TEC: variants seen among roughly 807,000 people sequenced by gnomAD.
The protein encoded by TEC is tec protein tyrosine kinase, also known as tyrosine-protein kinase Tec.
A neutral mutation model predicts 93.0 loss-of-function variants in TEC; 72 were observed. The ratio of observed to expected loss-of-function variants is 0.77; its 90% confidence interval spans 0.64 to 0.94. TEC has a LOEUF of 0.94. Among genes scored for constraint, TEC ranks in the 40% least tolerant of loss-of-function variants. The pLI, the probability that TEC is intolerant of heterozygous loss-of-function variation, is 0.00. For synonymous variants in TEC, 249 were observed against 247.7 expected, an observed-to-expected ratio of 1.01 and a Z score of -0.05; for missense variants, 630 against 757.9, an observed-to-expected ratio of 0.83 and a Z score of 1.98.
intron 3 of TEC, among the ~76,000 whole-genome samples, chr4:48,173,532 C>T (rs530447665): frequency 3.9e-5 from 6 of 152,262 alleles, no homozygotes; most frequent in Admixed American, 2.0e-4. Flanking sequence ...CTGTGTTTCT[C>T]TCTGCCTTAA....
At chr4:48,191,936 A>G (rs544392015) in intron 2 of TEC, among the ~76,000 whole-genome samples, 1 of 152,302 alleles carries the variant, frequency 6.6e-6, no homozygotes, top group East Asian at 1.9e-4. Flanking sequence ...AAGACCATAA[A>G]AGATATGCAG....
Position 48,167,809 on chromosome 4 carries a change from C to T in TEC, c.640G>A (p.Val214Ile), listed in dbSNP as rs2109542115. The T allele has an allele frequency of 6.2e-7, 1 of 1,613,784 alleles. No individual in the cohort carries two copies. Among genetic ancestry groups the T allele is most frequent in the Non-Finnish European group, 8.5e-7 (1 of 1,179,798 alleles). Residue 214 changes from valine (V) to isoleucine (I), a missense_variant, in exon 7 of 18, where the codon GTT becomes ATT. Coordinates refer to ENST00000381501, the MANE Select transcript of TEC (RefSeq NM_003215.3). Reference protein sequence around the residue: ...QEYLILEKNDVHWWRARDKYG... With the variant: ...QEYLILEKNDIHWWRARDKYG... ...TTATCTCTTGCTCTCCACCAATGAA[C>T]ATCATTCTTTTCTAAAATGAGATAC...
chr4:48,186,363 G>C (rs574763422), intron 2 of TEC, among the ~76,000 whole-genome samples: 1 of 151,660 alleles, frequency 6.6e-6, no homozygotes, highest in South Asian at 2.1e-4. Flanking sequence ...GCCCAGTCTG[G>C]GAAGTGAGGA....
At chr4:48,152,884 A>C (rs1720233180) in intron 9 of TEC, among the ~76,000 whole-genome samples, 2 of 152,250 alleles carry the variant, frequency 1.3e-5, no homozygotes, top group African/African-American at 4.8e-5. Context: ...GCAGGAGGTA[A>C]AATGAGAAAG....
In TEC at chr4:48,228,501, T is replaced by C. The variant is rs780981712; in HGVS notation, c.114A>G (p.Leu38=). ...ERLFVLTKSM[L]TYYEGRAEKK... is the part of the protein sequence containing the mutation. ...CCTCTGCTCGACCCTCATAGTAGGT[T>C]AGCATGGACTTTGTAAGTACAAAAA... The change falls in exon 2 of 18, where the codon CTA becomes CTG. Residue 38 remains leucine, a synonymous_variant. Coordinates refer to ENST00000381501, the MANE Select transcript of TEC (RefSeq NM_003215.3). The C allele has an allele frequency of 6.2e-7, 1 of 1,611,264 alleles. No individual in the cohort carries two copies.
intron 2 of TEC, among the ~76,000 whole-genome samples, chr4:48,211,195 T>C (rs1194171213): frequency 1.3e-5 from 2 of 152,190 alleles, no homozygotes; most frequent in Non-Finnish European, 2.9e-5. Context: ...TTCACAGAAA[T>C]TCTGTAAACT....
intron 2 of TEC, among the ~76,000 whole-genome samples, chr4:48,205,447 C>T (rs1437244783): frequency 2.6e-5 from 4 of 152,210 alleles, no homozygotes; most frequent in African/African-American, 9.6e-5. Context: ...TGCTGAAAAT[C>T]AGGGCTTCTT....
chr4:48,249,285 A>T (rs780312681), intron 1 of TEC, among the ~76,000 whole-genome samples: 3 of 152,194 alleles, frequency 2.0e-5, no homozygotes, highest in African/African-American at 4.8e-5. Context: ...GGCTGAGCTA[A>T]ATAGGTTGCT....
At chr4:48,250,072 C>T (rs1234377569) in intron 1 of TEC, among the ~76,000 whole-genome samples, 1 of 152,210 alleles carries the variant, frequency 6.6e-6, no homozygotes, top group Non-Finnish European at 1.5e-5. Context: ...CCTCAGATTG[C>T]TGTATCCAAC....
At chr4:48,251,988 G>A (rs1724217302) in intron 1 of TEC, among the ~76,000 whole-genome samples, 1 of 152,132 alleles carries the variant, frequency 6.6e-6, no homozygotes, top group African/African-American at 2.4e-5. Context: ...ATGGAAGAGA[G>A]AAAAGACCAA....
chr4:48,168,636 C>A lies in TEC; in HGVS notation c.455-10G>T. ...AGTGCTTTTCTTATACCTGAAAATG[C>A]CAACAACAAAAACAGATTAAAATGC... On this transcript the variant is annotated splice_polypyrimidine_tract_variant and intron_variant, in intron 5 of 17. Transcript: ENST00000381501. 1 of 1,599,054 alleles carries A rather than the reference C, an allele frequency of 6.3e-7. No individual in the cohort carries two copies. The highest frequency in any genetic ancestry group is 8.5e-7 in the Non-Finnish European group (1 of 1,176,510).
At chr4:48,260,879 A>G (rs1395796869) in intron 1 of TEC, among the ~76,000 whole-genome samples, 1 of 152,242 alleles carries the variant, frequency 6.6e-6, no homozygotes, top group Non-Finnish European at 1.5e-5. Context: ...GGGGATTCAC[A>G]AAGATTCTCT....
intron 1 of TEC, among the ~76,000 whole-genome samples, chr4:48,257,392 G>A (rs1289798227): frequency 1.3e-5 from 2 of 152,152 alleles, no homozygotes; most frequent in Non-Finnish European, 2.9e-5. Flanking sequence ...GGTTTTGTTT[G>A]AAGTAGACCT....
chr4:48,146,551 T>C (rs1719921537), intron 11 of TEC, 152 bp from the exon 12 acceptor site: 1 of 619,584 alleles, frequency 1.6e-6, no homozygotes. Flanking sequence ...ATGCTTTTAT[T>C]CATTCAACAA....
At chr4:48,228,813 A>G (rs1296746846) in intron 1 of TEC, among the ~76,000 whole-genome samples, 154 bp from the exon 2 acceptor site, 1 of 152,176 alleles carries the variant, frequency 6.6e-6, no homozygotes, top group Non-Finnish European at 1.5e-5. Flanking sequence ...GGGCACAAAA[A>G]TTCAATCTCC....
At chr4:48,165,701 G>C (rs1301897842) in intron 7 of TEC, among the ~76,000 whole-genome samples, 1 of 152,072 alleles carries the variant, frequency 6.6e-6, no homozygotes. Flanking sequence ...AAAACAATCT[G>C]TTTCATCTAG....
Position 48,170,275 on chromosome 4 carries a change from A to T in TEC, c.427T>A (p.Cys143Ser). 1 of 1,594,568 alleles carries T rather than the reference A, an allele frequency of 6.3e-7. No individual in the cohort carries two copies. The highest frequency in any genetic ancestry group is 8.6e-7 in the Non-Finnish European group (1 of 1,164,040). The change falls in exon 5 of 18, where the codon TGT becomes AGT. Residue 143 changes from cysteine (C) to serine (S), a missense_variant. This residue lies in a region of TEC where 335 missense variants were observed against 351.5 expected (regional missense o/e 0.95). Transcript: ENST00000381501. ...CTCTCAAAAAGATTGTATTTTTCAC[A>T]TCCGGGTGCTAATTTTTCAGTTTGT... Reference protein sequence around the residue: ...CRQTEKLAPGCEKYNLFESSI... With the variant: ...CRQTEKLAPGSEKYNLFESSI...
intron 1 of TEC, among the ~76,000 whole-genome samples, chr4:48,251,974 T>G (rs1724216966): frequency 1.3e-5 from 2 of 152,092 alleles, no homozygotes; most frequent in African/African-American, 4.8e-5. Flanking sequence ...CAAGGCAAGC[T>G]AAAATGGAAG....
rs1032463057 is a variant in TEC, at chr4:48,137,325, C to T, written c.*91G>A. On this transcript the variant is annotated 3_prime_UTR_variant, in exon 18 of 18. Coordinates refer to ENST00000381501, the MANE Select transcript of TEC (RefSeq NM_003215.3). ...GTTTCCACTGTATAAGTAAAATGATCTACATGTCCAAGTGCTCAATAAATT... is the reference window on the plus strand; with the variant it reads ...GTTTCCACTGTATAAGTAAAATGATTTACATGTCCAAGTGCTCAATAAATT... 2 of 993,856 alleles carry T rather than the reference C, an allele frequency of 2.0e-6. No individual in the cohort carries two copies. The highest frequency in any genetic ancestry group is 1.6e-5 in the African/African-American group (1 of 61,220). The allele number at this position is 993,856 out of a possible 1,614,324, so 61.6% of individuals were successfully genotyped here.
Sources: allele counts gnomAD v4.1 joint callset (sites outside exome capture counted in the v4.1 genomes callset), GRCh38; gene constraint gnomAD v4.1.1; regional missense constraint gnomAD v4.1.1; transcripts MANE v1.5; gene names NCBI Gene and HGNC (gene_info 2026-07-23, HGNC 2026-07-21).